The following PCCA variants were observed in gnomAD, a reference collection of about 807,000 sequenced individuals.
PCCA encodes propionyl-CoA carboxylase subunit alpha, also known as propionyl-CoA carboxylase alpha chain, mitochondrial.
A neutral mutation model predicts 101.3 loss-of-function variants in PCCA; 74 were observed. The ratio of observed to expected loss-of-function variants is 0.73; its 90% CI spans 0.61 to 0.89. The LOEUF (loss-of-function observed/expected upper bound fraction) is 0.89, where lower values mean the gene tolerates loss of function less well. Ranked by LOEUF, PCCA falls within the 40% of genes least tolerant of loss-of-function variation. PCCA has a pLI of 0.00. For missense variants in PCCA, 891 were observed against 907.0 expected (o/e 0.98, Z 0.23); for synonymous variants, 294 against 313.6 (o/e 0.94, Z 0.66).
chr13:100,445,628 C>T (rs574413869), intron 20 of PCCA, among the ~76,000 whole-genome samples: 18 of 152,230 alleles, frequency 1.2e-4, no homozygotes, highest in South Asian at 2.1e-4. Flanking sequence ...ATGAGTTTGA[C>T]GTTTCCAGAT....
chr13:100,455,802 C>G (rs1202127723), intron 21 of PCCA, among the ~76,000 whole-genome samples: 1 of 152,050 alleles, frequency 6.6e-6, no homozygotes, highest in Non-Finnish European at 1.5e-5. Context: ...TGGGTTCAAG[C>G]AATTCTTCTG....
At chr13:100,287,813 G>GC (rs2064806879) in intron 12 of PCCA, among the ~76,000 whole-genome samples, 1 of 16,414 alleles carries the variant, frequency 6.1e-5, no homozygotes. Context: ...TATAAAGTTA[G>GC]GGGGTTTTTT....
chr13:100,279,904 T>G (rs1041347994), intron 12 of PCCA, among the ~76,000 whole-genome samples: 4 of 152,228 alleles, frequency 2.6e-5, no homozygotes, highest in African/African-American at 9.6e-5. Flanking sequence ...TGTTTCAGTT[T>G]GAACTAGAGG....
At chr13:100,202,132 C>T in intron 6 of PCCA, among the ~76,000 whole-genome samples, 1 of 141,912 alleles carries the variant, frequency 7.0e-6, no homozygotes, top group Admixed American at 7.6e-5. Flanking sequence ...GAGTTTGAGA[C>T]CATCATAGGC....
chr13:100,290,120 G>T (rs758323330), intron 12 of PCCA, among the ~76,000 whole-genome samples: 2 of 152,146 alleles, frequency 1.3e-5, no homozygotes, highest in Non-Finnish European at 1.5e-5. Context: ...CTAGCTTCTA[G>T]TATTATGTCT....
In PCCA at chr13:100,333,251, A is replaced by G. The variant is rs529180585; in HGVS notation, c.1540+2580A>G. On this transcript the variant is annotated intron_variant, in intron 17 of 23. Coordinates refer to ENST00000376285, the MANE Select transcript of PCCA (RefSeq NM_000282.4). ...CTGTATCGTCTTTTGACTGTTTGAT[A>G]TATGTGCCCAAGAGACTGAAGGAAG... Among the ~76,000 whole-genome samples, 5 of 152,282 alleles carry G rather than the reference A, an allele frequency of 3.3e-5. 1 individual carries two copies. Among genetic ancestry groups the G allele is most frequent in the African/African-American group, 1.2e-4 (5 of 41,552 alleles).
chr13:100,127,662 G>T (rs2050090398), intron 4 of PCCA, among the ~76,000 whole-genome samples: 1 of 152,130 alleles, frequency 6.6e-6, no homozygotes. Flanking sequence ...GGAGGCCGAG[G>T]CAGGCGGATC....
chr13:100,124,477 TCA>T (rs2049753189), intron 4 of PCCA, among the ~76,000 whole-genome samples: 2 of 152,202 alleles, frequency 1.3e-5, no homozygotes, highest in Admixed American at 6.5e-5. Flanking sequence ...AGTCTCAGCC[TCA>T]GGATTCTATA....
At chr13:100,188,886 A>G (rs746158548) in intron 6 of PCCA, among the ~76,000 whole-genome samples, 11 of 144,230 alleles carry the variant, frequency 7.6e-5, no homozygotes, top group African/African-American at 1.3e-4. Flanking sequence ...TCCTTAGCCC[A>G]CTTTTTTTTT....
intron 12 of PCCA, 139 bp downstream of exon 12, chr13:100,273,485 G>A (rs538047019): frequency 1.4e-6 from 1 of 712,574 alleles, no homozygotes; most frequent in South Asian, 1.7e-5. Flanking sequence ...CTTGTGCTAA[G>A]ACATCTGTTA....
At chr13:100,134,504 G>C (rs1227116192) in intron 4 of PCCA, among the ~76,000 whole-genome samples, 3 of 152,140 alleles carry the variant, frequency 2.0e-5, no homozygotes, top group African/African-American at 7.2e-5. Flanking sequence ...CCACTGTGTT[G>C]AGTCTTCCAA....
chr13:100,466,298 T>G (rs1311982897), intron 21 of PCCA: 2 of 152,238 alleles, frequency 1.3e-5, no homozygotes, highest in African/African-American at 4.8e-5. Context: ...GTTTGGCTAT[T>G]TAATATTTTG....
intron 21 of PCCA, among the ~76,000 whole-genome samples, chr13:100,464,778 A>G (rs1055838858): frequency 6.6e-6 from 1 of 152,180 alleles, no homozygotes; most frequent in Non-Finnish European, 1.5e-5. Context: ...ACCAACACCA[A>G]ACTTGACCAG....
At chr13:100,198,689 G>A (rs1271240042) in intron 6 of PCCA, among the ~76,000 whole-genome samples, 1 of 151,892 alleles carries the variant, frequency 6.6e-6, no homozygotes, top group African/African-American at 2.4e-5. Context: ...AGTAGAGACG[G>A]GGTTTCACCA....
chr13:100,107,308 T>C (rs1280210386), intron 2 of PCCA, among the ~76,000 whole-genome samples: 3 of 152,222 alleles, frequency 2.0e-5, no homozygotes, highest in East Asian at 3.8e-4. Flanking sequence ...ATTTAACTTA[T>C]GGTAGCTTGC....
intron 11 of PCCA, among the ~76,000 whole-genome samples, chr13:100,269,967 A>G (rs1203000718): frequency 6.6e-6 from 1 of 152,186 alleles, no homozygotes; most frequent in Non-Finnish European, 1.5e-5. Flanking sequence ...TGACCCGTAG[A>G]CTACTTAGAA....
intron 10 of PCCA, among the ~76,000 whole-genome samples, chr13:100,268,169 G>T (rs1249174325): frequency 6.6e-6 from 1 of 152,082 alleles, no homozygotes; most frequent in Non-Finnish European, 1.5e-5. Flanking sequence ...TATTATGTTT[G>T]TATATTAACT....
chr13:100,314,010 T>A (rs1485863795), intron 16 of PCCA, among the ~76,000 whole-genome samples: 2 of 152,122 alleles, frequency 1.3e-5, no homozygotes, highest in African/African-American at 2.4e-5. Context: ...CTTTATTATC[T>A]TGCCGTCTTT....
intron 6 of PCCA, among the ~76,000 whole-genome samples, chr13:100,182,760 A>T (rs1445340966): frequency 6.6e-6 from 1 of 152,082 alleles, no homozygotes; most frequent in Non-Finnish European, 1.5e-5. Context: ...AGGGATCCTG[A>T]AAAGAGGAAA....
Sources: allele counts gnomAD v4.1 joint callset (sites outside exome capture counted in the v4.1 genomes callset), GRCh38; gene constraint gnomAD v4.1.1; transcripts MANE v1.5; gene names NCBI Gene and HGNC (gene_info 2026-07-23, HGNC 2026-07-21).